Variants in TNFRSF1B observed in about 807,000 individuals in gnomAD.
The protein encoded by TNFRSF1B is tumor necrosis factor receptor superfamily member 1B.
In TNFRSF1B, 19 loss-of-function variants were observed where a neutral mutation model predicts 44.6. The ratio of observed to expected loss-of-function variants is 0.43; its 90% CI spans 0.30 to 0.62. The LOEUF (loss-of-function observed/expected upper bound fraction) is 0.62. Among genes scored for constraint, TNFRSF1B ranks in the 20% least tolerant of loss-of-function variants. TNFRSF1B has a pLI of 0.16. For missense variants in TNFRSF1B, 541 were observed against 619.9 expected (o/e 0.87, Z 1.35); for synonymous variants, 252 against 261.1 (o/e 0.97, Z 0.34).
rs1027295963 is a variant in TNFRSF1B at position 12,168,299 on chromosome 1, A to T, written c.78+1130A>T. On this transcript the variant is annotated intron_variant, in intron 1 of 9. Coordinates refer to ENST00000376259, the MANE Select transcript of TNFRSF1B (RefSeq NM_001066.3). This position sits in a 1 kb window ranked among gnomAD's most constrained non-coding sequence, Gnocchi z 4.7. ...GTGGCACTGGCTTCTGTGGTGACAT[A>T]AGGTGACTTGTTGATCTGAGGCCAG... Among the ~76,000 whole-genome samples the T allele has an allele frequency of 6.6e-6, 1 of 152,134 alleles. No homozygotes were observed. Among genetic ancestry groups the T allele is most frequent in the Non-Finnish European group, 1.5e-5 (1 of 68,014 alleles).
At chr1:12,198,611 C>T (rs1362032668) in intron 8 of TNFRSF1B, among the ~76,000 whole-genome samples, 1 of 151,580 alleles carries the variant, frequency 6.6e-6, no homozygotes, top group Non-Finnish European at 1.5e-5. Context: ...TGCTGGGTCT[C>T]TGCTTCTGCC....
intron 9 of TNFRSF1B, 83 bp downstream of exon 9, chr1:12,202,254 G>A (rs1639410627): frequency 6.6e-7 from 1 of 1,504,082 alleles, no homozygotes; most frequent in Admixed American, 2.1e-5. Context: ...ATCTCCTCCT[G>A]AGCCTCCCCG....
At chr1:12,205,973 G>A (rs1485341970) in intron 9 of TNFRSF1B, among the ~76,000 whole-genome samples, 2 of 152,128 alleles carry the variant, frequency 1.3e-5, no homozygotes, top group Non-Finnish European at 2.9e-5. Context: ...TGATGGATGG[G>A]TGTGTGATAT....
chr1:12,182,455 G>T (rs1043014227), intron 1 of TNFRSF1B, among the ~76,000 whole-genome samples: 2 of 152,192 alleles, frequency 1.3e-5, no homozygotes, highest in African/African-American at 4.8e-5. Flanking sequence ...TATTGAACGT[G>T]CATGTGTCTC....
chr1:12,174,060 C>G (rs1340272778), intron 1 of TNFRSF1B, among the ~76,000 whole-genome samples: 2 of 152,176 alleles, frequency 1.3e-5, no homozygotes, highest in African/African-American at 4.8e-5. Flanking sequence ...TGGCTCTGCC[C>G]TTGCATCTAG....
intron 1 of TNFRSF1B, among the ~76,000 whole-genome samples, chr1:12,188,097 G>A (rs892517223): frequency 6.6e-6 from 1 of 152,246 alleles, no homozygotes; most frequent in African/African-American, 2.4e-5. Context: ...ACATTCAGCT[G>A]ATGAGTGCCG....
rs997569756 is a variant in TNFRSF1B, at chr1:12,177,084, C to G, written c.78+9915C>G. ...GTGGTGTGATCTTGGCTCACTGCAA[C>G]CTCTGCCTTCTGAGTTCAAGCGATT... On this transcript the variant is annotated intron_variant, in intron 1 of 9. Coordinates refer to ENST00000376259, the MANE Select transcript of TNFRSF1B (RefSeq NM_001066.3). The surrounding 1 kb of genome is among the most constrained non-coding windows in gnomAD (Gnocchi z 4.3). 2.6e-5 allele frequency among the ~76,000 whole-genome samples: 4 copies of G among 152,058 alleles called. No homozygotes were observed. Among genetic ancestry groups the G allele is most frequent in the South Asian group, 2.1e-4 (1 of 4,834 alleles).
chr1:12,176,367 A>G (rs1638657654), intron 1 of TNFRSF1B, among the ~76,000 whole-genome samples: 1 of 152,238 alleles, frequency 6.6e-6, no homozygotes, highest in Admixed American at 6.5e-5. Context: ...ATGGAGGAGT[A>G]GTACCAATTA....
In TNFRSF1B at chr1:12,179,299, C is replaced by T. The variant is rs76266764; in HGVS notation, c.79-9497C>T. ...TGCCATTCCTCTCCGTGACGGCAGACGGGCCTCCGCTGTCACTGGCCCTGG... is the reference window on the plus strand; with the variant it reads ...TGCCATTCCTCTCCGTGACGGCAGATGGGCCTCCGCTGTCACTGGCCCTGG... On this transcript the variant is annotated intron_variant, in intron 1 of 9. Transcript: ENST00000376259. 3.7e-4 allele frequency among the ~76,000 whole-genome samples: 57 copies of T among 152,296 alleles called. 1 individual carries two copies. The East Asian group carries it at 6.8e-3, about 18-fold the overall frequency.
At chr1:12,202,308 C>A in intron 9 of TNFRSF1B, 137 bp downstream of exon 9, 1 of 1,362,240 alleles carries the variant, frequency 7.3e-7, no homozygotes, top group Non-Finnish European at 9.7e-7. Context: ...TCCTTCGGTT[C>A]GCTGAACCTA....
At chr1:12,202,215 G>A in intron 9 of TNFRSF1B, 44 bp downstream of exon 9, 1 of 1,532,420 alleles carries the variant, frequency 6.5e-7, no homozygotes, top group South Asian at 1.2e-5. Context: ...AGCCTCCTTG[G>A]TCTTTCTCAC....
intron 2 of TNFRSF1B, among the ~76,000 whole-genome samples, chr1:12,190,252 A>G (rs1415325414): frequency 6.6e-6 from 1 of 152,092 alleles, no homozygotes; most frequent in Non-Finnish European, 1.5e-5. Context: ...GGAGGCCAGG[A>G]GTTTGAGACC....
In TNFRSF1B at chr1:12,190,938, C is replaced by G. The variant is rs1394929058; in HGVS notation, c.179-19C>G. 6.2e-7 allele frequency: 1 copy of G among 1,612,670 alleles called. No individual in the cohort carries two copies. The highest frequency in any genetic ancestry group is 1.3e-5 in the African/African-American group (1 of 74,876). On this transcript the variant is annotated intron_variant, in intron 2 of 9. Transcript: ENST00000376259. The stretch of plus-strand genomic sequence containing the variant: ...CAGAAGGCTCGCCCAGCTGAGACCT[C>G]TGGCCCTTGTTTCCTCAGGCCAACA...
At chr1:12,200,393 T>A (rs992489365) in intron 8 of TNFRSF1B, among the ~76,000 whole-genome samples, 8 of 151,946 alleles carry the variant, frequency 5.3e-5, no homozygotes, top group African/African-American at 9.7e-5. Context: ...TGCCCCGGAA[T>A]GATTGACTGA....
At chr1:12,176,521 C>A (rs2101082628) in intron 1 of TNFRSF1B, among the ~76,000 whole-genome samples, 1 of 152,314 alleles carries the variant, frequency 6.6e-6, no homozygotes, top group African/African-American at 2.4e-5. Flanking sequence ...TCTATGAACT[C>A]CTTTATTTAA....
Position 12,192,124 on chromosome 1 carries a change from T to C in TNFRSF1B, c.457+201T>C, listed in dbSNP as rs1403902690. ...AGCACTCCCGATTAGGCACCTCTTA[T>C]GTACTGGAACCAGGAGACCCAGAGA... On this transcript the variant is annotated intron_variant, in intron 4 of 9. Transcript: ENST00000376259. 2.6e-5 allele frequency among the ~76,000 whole-genome samples: 4 copies of C among 152,232 alleles called. No homozygotes were observed. In the South Asian group the frequency reaches 6.2e-4, roughly 24 times the overall value.
At chr1:12,172,015 G>A (rs976919663) in intron 1 of TNFRSF1B, among the ~76,000 whole-genome samples, 50 of 152,282 alleles carry the variant, frequency 3.3e-4, no homozygotes, top group Admixed American at 9.2e-4. Flanking sequence ...TTCCCATTGA[G>A]TGGTGTCTGC....
chr1:12,176,826 G>A (rs367995058), intron 1 of TNFRSF1B, among the ~76,000 whole-genome samples: 4 of 152,332 alleles, frequency 2.6e-5, no homozygotes, highest in African/African-American at 9.6e-5. Flanking sequence ...CAGAGAACAG[G>A]AAGGAAGGGG....
intron 9 of TNFRSF1B, among the ~76,000 whole-genome samples, chr1:12,205,664 C>G (rs1639486494): frequency 6.6e-6 from 1 of 152,148 alleles, no homozygotes; most frequent in Non-Finnish European, 1.5e-5. Context: ...CTCTTTCGCC[C>G]AGGCTGGAGT....
Sources: allele counts gnomAD v4.1 joint callset (sites outside exome capture counted in the v4.1 genomes callset), GRCh38; gene constraint gnomAD v4.1.1; non-coding constraint Gnocchi (gnomAD v3.1); transcripts MANE v1.5; gene names NCBI Gene and HGNC (gene_info 2026-07-23, HGNC 2026-07-21).